The following HDAC9 variants were observed in gnomAD, a reference collection of about 807,000 sequenced individuals.
HDAC9 encodes the protein MEF-2 interacting transcription repressor (MITR) protein.
HDAC9 carries 41 observed loss-of-function variants against 139.4 expected under a neutral mutation model. That is an observed-to-expected ratio of 0.29 (90% CI 0.23 to 0.38). The LOEUF is 0.38. HDAC9 is among the 10% of genes least tolerant of loss of function. The pLI is 1.00. For missense variants in HDAC9, 1,147 were observed against 1,297.0 expected (o/e 0.88, Z 1.78); for synonymous variants, 517 against 476.2 (o/e 1.09, Z -1.12).
intron 13 of HDAC9, among the ~76,000 whole-genome samples, chr7:18,732,728 CACGT>C (rs1469221294): frequency 1.9e-5 from 2 of 103,088 alleles, no homozygotes; most frequent in East Asian, 3.1e-4. Flanking sequence ...TACACACACA[CACGT>C]GTATGTGTGC....
At chr7:18,142,501 C>T (rs1213084937) in intron 1 of HDAC9, among the ~76,000 whole-genome samples, 1 of 152,180 alleles carries the variant, frequency 6.6e-6, no homozygotes, top group Admixed American at 6.5e-5. Flanking sequence ...GACATCTGTT[C>T]TGTTGTTACT....
rs1429852556 is a variant in HDAC9 at position 18,935,878 on chromosome 7, G to T, written c.2873G>T (p.Gly958Val). The T allele has an allele frequency of 6.2e-7, 1 of 1,613,774 alleles. No individual in the cohort carries two copies. The highest frequency in any genetic ancestry group is 1.7e-5 in the Admixed American group (1 of 60,000). Residue 958 changes from glycine (G) to valine (V), a missense_variant, in exon 23 of 26, where the codon GGA (glycine) becomes GTA (valine). Gly to Val is a moderately radical substitution (Grantham distance 109, BLOSUM62 -3). Coordinates refer to ENST00000686413, the MANE Select transcript of HDAC9 (RefSeq NM_178425.4). ...CGTGTGGTGTTGGCTCTAGAAGGAG[G>T]ACATGATCTCACAGCCATCTGTGAT... ...DGRVVLALEG[G>V]HDLTAICDAS...
intron 5 of HDAC9, 80 bp from the exon 6 acceptor site, chr7:18,593,828 A>G (rs1417088480): frequency 2.1e-6 from 3 of 1,459,486 alleles, no homozygotes; most frequent in Non-Finnish European, 2.9e-6. Flanking sequence ...GCACGTGTAC[A>G]GCGTGTGCAG....
chr7:18,776,883 C>G (rs1299226864), intron 16 of HDAC9, among the ~76,000 whole-genome samples: 1 of 151,860 alleles, frequency 6.6e-6, no homozygotes, highest in Non-Finnish European at 1.5e-5. Context: ...AGTTTGGGGA[C>G]CCCATCTCAC....
chr7:18,372,120 A>G lies in HDAC9; in HGVS notation c.-42+81605A>G, dbSNP rs1035640467. ...CCAGTAAGGTAACTCACATTCAACA[A>G]ACTGATTTGGTCTTTGACAAGGCTC... On this transcript the variant is annotated intron_variant, in intron 1 of 3. Coordinates refer to the HDAC9 transcript ENST00000413509. Among the ~76,000 whole-genome samples, 6 of 152,318 alleles carry G rather than the reference A, an allele frequency of 3.9e-5. No individual in the cohort carries two copies. The East Asian group carries it at 9.6e-4, about 24-fold the overall frequency.
intron 2 of HDAC9, among the ~76,000 whole-genome samples, chr7:18,505,235 G>GT (rs1458949081): frequency 6.6e-6 from 1 of 152,172 alleles, no homozygotes; most frequent in East Asian, 1.9e-4. Context: ...TGAGGGTAAA[G>GT]TTAGCCCCGC....
At chr7:18,496,110 C>T (rs1294647344) in intron 1 of HDAC9, 87 bp downstream of exon 1, 6 of 1,401,904 alleles carry the variant, frequency 4.3e-6, no homozygotes, top group Non-Finnish European at 5.8e-6. Flanking sequence ...AGTTGATCCT[C>T]TGCTGCTTCT....
chr7:18,580,180 A>G (rs557214169), intron 2 of HDAC9, among the ~76,000 whole-genome samples: 3 of 152,348 alleles, frequency 2.0e-5, no homozygotes, highest in East Asian at 3.9e-4. Flanking sequence ...GTTCATGTTC[A>G]TGCTCAAATA....
At chr7:18,664,017 T>G (rs1584758375) in intron 11 of HDAC9, among the ~76,000 whole-genome samples, 1 of 152,306 alleles carries the variant, frequency 6.6e-6, no homozygotes, top group African/African-American at 2.4e-5. Flanking sequence ...CTTGCTCGTT[T>G]CTATGCTGTT....
chr7:18,987,855 A>T (rs1254916386), intron 25 of HDAC9, among the ~76,000 whole-genome samples: 1 of 152,204 alleles, frequency 6.6e-6, no homozygotes, highest in Non-Finnish European at 1.5e-5. Context: ...TTATTGGCGT[A>T]GAGGTGTTTG....
intron 2 of HDAC9, among the ~76,000 whole-genome samples, chr7:18,225,675 T>C (rs1019426996): frequency 1.3e-5 from 2 of 152,136 alleles, no homozygotes; most frequent in African/African-American, 4.8e-5. Flanking sequence ...ATCTTTCACT[T>C]AAAAGATAGT....
chr7:18,401,173 A>T lies in HDAC9; in HGVS notation c.-41-95089A>T, dbSNP rs545704853. Among the ~76,000 whole-genome samples, 151 of 152,298 alleles carry T rather than the reference A, an allele frequency of 9.9e-4. 1 individual carries two copies. Among genetic ancestry groups the T allele is most frequent in the African/African-American group, 3.6e-3 (148 of 41,568 alleles). The stretch of plus-strand genomic sequence containing the variant: ...TAGTTGGTATTTTTAATGAAGTGTT[A>T]TCCACTTAAAGTGTGATATAATTGT... On this transcript the variant is annotated intron_variant, in intron 1 of 3. Transcript: ENST00000413509.
At chr7:18,587,223 ATAAT>A (rs1420754926) in intron 3 of HDAC9, among the ~76,000 whole-genome samples, 6 of 152,186 alleles carry the variant, frequency 3.9e-5, no homozygotes, top group Non-Finnish European at 7.4e-5. Flanking sequence ...TAGCAAGTAG[ATAAT>A]TAATTGTTCA....
rs113456833 is a variant in HDAC9 at position 18,323,263 on chromosome 7, G to A, written c.-42+32748G>A. ...CTAGGGAAAATATATCTAGACCCAC[G>A]ACTATTTCTCACCACCTCCATTGCT... On this transcript the variant is annotated intron_variant, in intron 1 of 3. Transcript: ENST00000413509. 6.5e-3 allele frequency among the ~76,000 whole-genome samples: 987 copies of A among 152,176 alleles called. 11 individuals are homozygous for A. The highest frequency in any genetic ancestry group is 0.022 in the African/African-American group (919 of 41,540).
intron 2 of HDAC9, among the ~76,000 whole-genome samples, chr7:18,190,627 G>A (rs1480056591): frequency 1.3e-5 from 2 of 152,212 alleles, no homozygotes; most frequent in East Asian, 3.9e-4. Context: ...AAGTTGGAGT[G>A]GAAAACGTTT....
intron 2 of HDAC9, among the ~76,000 whole-genome samples, chr7:18,251,208 G>C (rs1353396111): frequency 6.6e-6 from 1 of 152,100 alleles, no homozygotes; most frequent in East Asian, 1.9e-4. Flanking sequence ...CCTTTGCAGG[G>C]ACTTGGATGG....
At chr7:18,142,774 C>T (rs1584297290) in intron 1 of HDAC9, among the ~76,000 whole-genome samples, 2 of 152,316 alleles carry the variant, frequency 1.3e-5, no homozygotes, top group African/African-American at 2.4e-5. Flanking sequence ...CTCCATCATC[C>T]ATCCTCCTAG....
chr7:18,154,403 C>A (rs1787019010), intron 1 of HDAC9, among the ~76,000 whole-genome samples: 1 of 152,164 alleles, frequency 6.6e-6, no homozygotes, highest in Non-Finnish European at 1.5e-5. Context: ...GGACTCTGTG[C>A]CACAGTGAGA....
chr7:18,117,461 G>A (rs1784073653), intron 1 of HDAC9, among the ~76,000 whole-genome samples: 1 of 151,144 alleles, frequency 6.6e-6, no homozygotes, highest in African/African-American at 2.4e-5. Flanking sequence ...ACTCCAGCCT[G>A]GGCAACAGAG....
Sources: gnomAD v4.1 joint callset for allele counts (sites outside exome capture counted in the v4.1 genomes callset) on GRCh38, gnomAD v4.1.1 for gene constraint, MANE v1.5 for transcripts, NCBI Gene and HGNC (gene_info 2026-07-23, HGNC 2026-07-21) for gene names.